Variants in RNF169 observed in about 807,000 individuals in gnomAD.
RNF169 encodes the protein E3 ubiquitin-protein ligase RNF169.
Under a neutral mutation model 53.9 loss-of-function variants are expected in RNF169, and 24 were observed. The ratio of observed to expected loss-of-function variants is 0.45; its 90% confidence interval spans 0.32 to 0.63. RNF169 has a LOEUF of 0.63. Ranked by LOEUF, RNF169 falls within the 20% of genes least tolerant of loss-of-function variation. The pLI is 0.04. For missense variants in RNF169, 883 were observed against 906.2 expected (o/e 0.97, Z 0.33); for synonymous variants, 396 against 363.5 (o/e 1.09, Z -1.02).
chr11:74,766,336 A>T (rs2035174335), intron 1 of RNF169, among the ~76,000 whole-genome samples: 1 of 152,196 alleles, frequency 6.6e-6, no homozygotes, highest in Non-Finnish European at 1.5e-5. Context: ...TTCCACAAAT[A>T]AATTAGGAAA....
At chr11:74,826,733 C>T (rs2036103150) in intron 4 of RNF169, among the ~76,000 whole-genome samples, 1 of 152,234 alleles carries the variant, frequency 6.6e-6, no homozygotes, top group Non-Finnish European at 1.5e-5. Flanking sequence ...GGGCTACAGG[C>T]CCCATGCAAG....
rs1410201520 is a variant in RNF169 at position 74,840,517 on chromosome 11, G to A, written c.*3787G>A. On this transcript the variant is annotated 3_prime_UTR_variant, in exon 6 of 6. Coordinates refer to ENST00000299563, the MANE Select transcript of RNF169 (RefSeq NM_001098638.2). The stretch of plus-strand genomic sequence containing the variant: ...AAGCTGCTTTTAGCTTAAGCCCCAA[G>A]AAGTGAGGTGGGTTGTGGATCACTG... The A allele has an allele frequency of 1.3e-5, 2 of 152,242 alleles. No individual in the cohort carries two copies. The highest frequency in any genetic ancestry group is 2.9e-5 in the Non-Finnish European group (2 of 68,050). The allele number at this position is 152,242 out of a possible 1,614,324, so 9.4% of individuals were successfully genotyped here.
intron 1 of RNF169, among the ~76,000 whole-genome samples, chr11:74,761,649 T>C (rs1438706500): frequency 6.6e-6 from 1 of 152,220 alleles, no homozygotes; most frequent in Non-Finnish European, 1.5e-5. Context: ...CCCCACTCTT[T>C]TCTGGCTTGT....
chr11:74,824,949 T>G (rs1242188731), intron 4 of RNF169, among the ~76,000 whole-genome samples: 3 of 152,158 alleles, frequency 2.0e-5, no homozygotes, highest in Admixed American at 6.6e-5. Context: ...AAGAAATGAT[T>G]GAGATATATG....
chr11:74,816,844 T>G (rs929701716), intron 3 of RNF169, among the ~76,000 whole-genome samples: 29 of 152,190 alleles, frequency 1.9e-4, no homozygotes, highest in African/African-American at 7.0e-4. Context: ...AAGGTTGTAG[T>G]ATCAGGCTGA....
At chr11:74,758,525 G>A (rs1451626404) in intron 1 of RNF169, among the ~76,000 whole-genome samples, 44 of 150,254 alleles carry the variant, frequency 2.9e-4, no homozygotes, top group Admixed American at 2.6e-3. Context: ...TTTTTGAGAC[G>A]GAGTCTCGCT....
At chr11:74,805,564 GACTGAAAGGTCA>G (rs2135110485) in intron 2 of RNF169, among the ~76,000 whole-genome samples, 1 of 152,216 alleles carries the variant, frequency 6.6e-6, no homozygotes, top group East Asian at 1.9e-4. Flanking sequence ...ATTCTAAGTA[GACTGAAAGGTCA>G]AATAATAAGC....
chr11:74,829,814 T>TG (rs2036152220), intron 4 of RNF169, among the ~76,000 whole-genome samples: 1 of 151,564 alleles, frequency 6.6e-6, no homozygotes, highest in African/African-American at 2.4e-5. Context: ...TGGACACATG[T>TG]GGGGAAACTG....
In RNF169 at chr11:74,823,740, A is replaced by G. The variant is rs1419515943; in HGVS notation, c.842+6026A>G. ...CGATAGAGTGAGACCCTGTCTCAGA[A>G]AAAAAAAAAAAAAAAAAAGAGGAAA... On this transcript the variant is annotated intron_variant, in intron 4 of 5. Transcript: ENST00000299563. 0.03 allele frequency among the ~76,000 whole-genome samples: 62 copies of G among 2,072 alleles called. No homozygotes were observed. In the East Asian group the frequency reaches 0.36, roughly 12 times the overall value. 1.4% of individuals were successfully genotyped at this position (2,072 alleles called of 152,430 possible). A position where few individuals can be genotyped will look rare whatever the true frequency, so the allele number is the denominator to read the frequency against.
intron 4 of RNF169, among the ~76,000 whole-genome samples, chr11:74,819,120 A>G (rs1418602749): frequency 6.6e-6 from 1 of 152,014 alleles, no homozygotes; most frequent in Non-Finnish European, 1.5e-5. Flanking sequence ...CATTTCATAC[A>G]AAATGGAATC....
Position 74,838,694 on chromosome 11 carries a change from G to A in RNF169, c.*1964G>A, listed in dbSNP as rs1431491427. 2.6e-5 allele frequency: 4 copies of A among 152,200 alleles called. No individual in the cohort carries two copies. The highest frequency in any genetic ancestry group is 9.6e-5 in the African/African-American group (4 of 41,460). The allele number at this position is 152,200 out of a possible 1,614,324, so 9.4% of individuals were successfully genotyped here. On this transcript the variant is annotated 3_prime_UTR_variant, in exon 6 of 6. Transcript: ENST00000299563. ...ATGATTTTGTAGTCACACCACTTCA[G>A]TTCTGGGCCCTACCAACAATTTATG... is the stretch of plus-strand genomic sequence containing the variant.
chr11:74,832,647 A>AT (rs2036197374), intron 4 of RNF169: 1 of 152,144 alleles, frequency 6.6e-6, no homozygotes, highest in South Asian at 2.1e-4. Flanking sequence ...TGAAAGTTAA[A>AT]AAAGTCTTTC....
chr11:74,792,923 A>G (rs1313423743), intron 2 of RNF169, among the ~76,000 whole-genome samples: 1 of 152,208 alleles, frequency 6.6e-6, no homozygotes, highest in African/African-American at 2.4e-5. Flanking sequence ...CTACCGGTCC[A>G]TCTCACCCAC....
rs1565193612 is a variant in RNF169, at chr11:74,840,909, A to C, written c.*4179A>C. 2.0e-5 allele frequency: 3 copies of C among 151,826 alleles called. No homozygotes were observed. The highest frequency in any genetic ancestry group is 6.6e-5 in the Admixed American group (1 of 15,242). 9.4% of individuals were successfully genotyped at this position (151,826 alleles called of 1,614,324 possible). A position where few individuals can be genotyped will look rare whatever the true frequency, so the allele number is the denominator to read the frequency against. ...TTGACACACGCAGACACACGCACCAATGATGGGGATACCCCCAAATGATTT... is the reference window on the plus strand; with the variant it reads ...TTGACACACGCAGACACACGCACCACTGATGGGGATACCCCCAAATGATTT... On this transcript the variant is annotated 3_prime_UTR_variant, in exon 6 of 6. Transcript: ENST00000299563.
chr11:74,826,266 C>T (rs2036095360), intron 4 of RNF169, among the ~76,000 whole-genome samples: 1 of 152,160 alleles, frequency 6.6e-6, no homozygotes, highest in Non-Finnish European at 1.5e-5. Context: ...GTGGATGTCA[C>T]AGCGAGCCAA....
intron 4 of RNF169, among the ~76,000 whole-genome samples, chr11:74,824,592 C>G (rs900707912): frequency 2.0e-5 from 3 of 152,064 alleles, no homozygotes; most frequent in Non-Finnish European, 4.4e-5. Flanking sequence ...AAACAGAATA[C>G]TGGAAATAGC....
intron 4 of RNF169, among the ~76,000 whole-genome samples, chr11:74,820,003 T>TA (rs1468609310): frequency 6.6e-6 from 1 of 152,134 alleles, no homozygotes; most frequent in Admixed American, 6.5e-5. Context: ...TAAGGACAGA[T>TA]ATAGACAGAG....
chr11:74,778,941 T>C (rs939612463), intron 1 of RNF169, among the ~76,000 whole-genome samples: 3 of 152,232 alleles, frequency 2.0e-5, no homozygotes, highest in African/African-American at 7.2e-5. Context: ...GTGACTTGCA[T>C]CTTTCACTAA....
chr11:74,769,251 G>A (rs1591393589), intron 1 of RNF169, among the ~76,000 whole-genome samples: 1 of 152,152 alleles, frequency 6.6e-6, no homozygotes, highest in Non-Finnish European at 1.5e-5. Context: ...TGAAAGTCTG[G>A]TAAACATCTA....
Sources: gnomAD v4.1 joint callset for allele counts (sites outside exome capture counted in the v4.1 genomes callset) on GRCh38, gnomAD v4.1.1 for gene constraint, MANE v1.5 for transcripts, NCBI Gene and HGNC (gene_info 2026-07-23, HGNC 2026-07-21) for gene names.